The following MCC variants were observed in gnomAD, a reference collection of about 807,000 sequenced individuals.
MCC encodes the protein MCC regulator of Wnt signaling pathway, also known as colorectal mutant cancer protein.
Under a neutral mutation model 116.2 loss-of-function variants are expected in MCC, and 90 were observed. That is an observed-to-expected ratio of 0.77 (90% confidence interval 0.65 to 0.92). MCC has a LOEUF of 0.92. Among genes scored for constraint, MCC ranks in the 40% least tolerant of loss-of-function variants. The pLI is 0.00. For missense variants in MCC, 1,516 were observed against 1,312.2 expected (o/e 1.16, Z -2.40); for synonymous variants, 578 against 510.5 (o/e 1.13, Z -1.78).
rs532919167 is a variant in MCC at position 113,113,045 on chromosome 5, T to C, written c.1028-8690A>G. On this transcript the variant is annotated intron_variant, in intron 6 of 18. Coordinates refer to ENST00000408903, the MANE Select transcript of MCC (RefSeq NM_001085377.2). ...AAGCAGCTGTAGGCCTGCTACGATG[T>C]GGGCTATAGCAGGACTGGCCATTCA... Among the ~76,000 whole-genome samples the C allele has an allele frequency of 1.2e-4, 19 of 152,346 alleles. No homozygotes were observed. The East Asian group carries it at 1.9e-3, about 15-fold the overall frequency.
chr5:113,430,428 T>C (rs2150410546), intron 1 of MCC, among the ~76,000 whole-genome samples: 1 of 152,252 alleles, frequency 6.6e-6, no homozygotes, highest in Admixed American at 6.5e-5. Context: ...ATGCTAGACT[T>C]AAGATGGGCC....
At chr5:113,087,807 T>C (rs772209068) in intron 8 of MCC, among the ~76,000 whole-genome samples, 4 of 148,992 alleles carry the variant, frequency 2.7e-5, no homozygotes, top group Non-Finnish European at 6.0e-5. Flanking sequence ...TAAAAAAAAA[T>C]ACAGATAAAA....
At chr5:113,039,864 A>C (rs1580898427) in intron 17 of MCC, among the ~76,000 whole-genome samples, 1 of 152,126 alleles carries the variant, frequency 6.6e-6, no homozygotes, top group South Asian at 2.1e-4. Context: ...AGTACAAAAA[A>C]GGAGTCATTT....
chr5:113,220,814 T>C (rs1763525161), intron 3 of MCC, among the ~76,000 whole-genome samples: 1 of 152,220 alleles, frequency 6.6e-6, no homozygotes, highest in South Asian at 2.1e-4. Flanking sequence ...AGCCTTTTAT[T>C]GTTTTTCCTT....
At chr5:113,444,468 A>T (rs1457830980) in intron 1 of MCC, among the ~76,000 whole-genome samples, 1 of 152,184 alleles carries the variant, frequency 6.6e-6, no homozygotes, top group African/African-American at 2.4e-5. Context: ...AAAAGTGTTA[A>T]ATCTGCGGTC....
chr5:113,476,106 T>G (rs1772227499), intron 1 of MCC, among the ~76,000 whole-genome samples: 1 of 152,178 alleles, frequency 6.6e-6, no homozygotes, highest in African/African-American at 2.4e-5. Flanking sequence ...ACATAGTTAC[T>G]AAAAATGCAC....
intron 1 of MCC, among the ~76,000 whole-genome samples, chr5:113,461,583 A>G (rs1273982828): frequency 2.0e-5 from 3 of 152,034 alleles, no homozygotes; most frequent in Non-Finnish European, 4.4e-5. Flanking sequence ...AGTTGGGAGG[A>G]CTGCTTGAGC....
intron 3 of MCC, among the ~76,000 whole-genome samples, chr5:113,273,410 A>G (rs1171683984): frequency 2.0e-5 from 3 of 152,212 alleles, no homozygotes; most frequent in East Asian, 1.9e-4. Flanking sequence ...CAGGGATTGT[A>G]TACTTCATTC....
intron 3 of MCC, among the ~76,000 whole-genome samples, chr5:113,184,217 A>G (rs1418750248): frequency 6.6e-6 from 1 of 152,188 alleles, no homozygotes; most frequent in Non-Finnish European, 1.5e-5. Flanking sequence ...ACATAATGGG[A>G]TAACTCAGGT....
chr5:113,147,554 G>C (rs1010575254), intron 4 of MCC, among the ~76,000 whole-genome samples: 1 of 152,138 alleles, frequency 6.6e-6, no homozygotes, highest in African/African-American at 2.4e-5. Flanking sequence ...TCCCGTGAAG[G>C]GGGTTAGTAC....
intron 3 of MCC, among the ~76,000 whole-genome samples, chr5:113,288,920 A>G (rs1429670302): frequency 6.6e-6 from 1 of 152,240 alleles, no homozygotes; most frequent in Non-Finnish European, 1.5e-5. Flanking sequence ...AAGCATGTCA[A>G]TATCTGGGAA....
At chr5:113,162,491 T>A (rs184434675) in intron 3 of MCC, among the ~76,000 whole-genome samples, 41 of 151,920 alleles carry the variant, frequency 2.7e-4, no homozygotes, top group South Asian at 1.9e-3. Context: ...CAAGGGTCGT[T>A]GCAATCTTCT....
intron 3 of MCC, among the ~76,000 whole-genome samples, chr5:113,208,418 G>GCTGTGT (rs1314710250): frequency 4.6e-5 from 7 of 152,146 alleles, no homozygotes; most frequent in Non-Finnish European, 1.0e-4. Context: ...GCACCCAGAA[G>GCTGTGT]CTGTGTGCAG....
chr5:113,186,619 A>G (rs1761910112), intron 3 of MCC, among the ~76,000 whole-genome samples: 1 of 152,148 alleles, frequency 6.6e-6, no homozygotes, highest in Non-Finnish European at 1.5e-5. Flanking sequence ...AACTTAAAAT[A>G]TTTTTATATT....
At chr5:113,372,900 C>T (rs1308658039) in intron 2 of MCC, among the ~76,000 whole-genome samples, 2 of 150,242 alleles carry the variant, frequency 1.3e-5, no homozygotes, top group Admixed American at 6.6e-5. Flanking sequence ...TGTTTCTGTC[C>T]GGGCGTGGTG....
intron 3 of MCC, among the ~76,000 whole-genome samples, chr5:113,276,968 A>G (rs1291222364): frequency 6.6e-6 from 1 of 152,020 alleles, no homozygotes; most frequent in African/African-American, 2.4e-5. Context: ...AAAAGAAGCT[A>G]TATCAAGGAA....
chr5:113,259,091 C>T (rs964373525), intron 3 of MCC, among the ~76,000 whole-genome samples: 10 of 152,246 alleles, frequency 6.6e-5, no homozygotes, highest in African/African-American at 2.4e-4. Flanking sequence ...TTATAATTTA[C>T]AACAGCAAAA....
In MCC at chr5:113,421,560, T is replaced by C. The variant is rs987499876; in HGVS notation, c.171-36348A>G. ...GGCATCAATACTTTTTGTATCCCCA[T>C]CTGTTAACTATAAAAACTTCACTTT... On this transcript the variant is annotated intron_variant, in intron 1 of 18. Coordinates refer to ENST00000408903, the MANE Select transcript of MCC (RefSeq NM_001085377.2). Among the ~76,000 whole-genome samples the C allele has an allele frequency of 3.3e-5, 5 of 152,334 alleles. No homozygotes were observed. The South Asian group carries it at 8.3e-4, about 25-fold the overall frequency.
intron 3 of MCC, among the ~76,000 whole-genome samples, chr5:113,309,947 T>G (rs546382033): frequency 2.1e-5 from 3 of 141,608 alleles, no homozygotes; most frequent in South Asian, 5.3e-4. Flanking sequence ...TCTTCCTCTC[T>G]TTCTTCTGTG....
Sources: gnomAD v4.1 joint callset for allele counts (sites outside exome capture counted in the v4.1 genomes callset) on GRCh38, gnomAD v4.1.1 for gene constraint, MANE v1.5 for transcripts, NCBI Gene and HGNC (gene_info 2026-07-23, HGNC 2026-07-21) for gene names.